Variants in ABHD2 observed in about 807,000 individuals in gnomAD.
ABHD2 encodes monoacylglycerol lipase ABHD2.
A neutral mutation model predicts 48.1 loss-of-function variants in ABHD2; 20 were observed. That is an observed-to-expected ratio of 0.42 (90% CI 0.29 to 0.60). The LOEUF (loss-of-function observed/expected upper bound fraction) is 0.60, where lower values mean the gene tolerates loss of function less well. Among genes scored for constraint, ABHD2 ranks in the 20% least tolerant of loss-of-function variants. The pLI is 0.24. For missense variants in ABHD2, 405 were observed against 550.9 expected (o/e 0.74, Z 2.65); for synonymous variants, 209 against 214.2 (o/e 0.98, Z 0.21).
At chr15:89,089,116 T>G (rs1468153916) in intron 1 of ABHD2, among the ~76,000 whole-genome samples, 6 of 152,234 alleles carry the variant, frequency 3.9e-5, no homozygotes, top group Non-Finnish European at 7.3e-5. Flanking sequence ...AGGCCCTTCG[T>G]GAGCTTTTCC....
Position 89,151,794 on chromosome 15 carries a change from T to C in ABHD2, c.312T>C (p.Ser104=). The part of the protein sequence containing the change: ...PYGHRKFITM[S]DGATSTFDLF... ...GGCACCGGAAGTTCATCACTATGTC[T>C]GATGGAGCCACTTCTACATTCGACC... The change falls in exon 4 of 11, where the codon TCT becomes TCC. Residue 104 remains serine, a synonymous_variant. Coordinates refer to ENST00000352732, the MANE Select transcript of ABHD2 (RefSeq NM_152924.5). The surrounding 1 kb of genome is among the most constrained non-coding windows in gnomAD (Gnocchi z 4.7). 1 of 1,614,240 alleles carries C rather than the reference T, an allele frequency of 6.2e-7. No individual in the cohort carries two copies. The highest frequency in any genetic ancestry group is 8.5e-7 in the Non-Finnish European group (1 of 1,180,046).
At position 89,201,317 on chromosome 15, in the gene ABHD2, T is replaced by A; in HGVS notation, c.*5894T>A. On this transcript the variant is annotated 3_prime_UTR_variant, in exon 11 of 11. Coordinates refer to ENST00000352732, the MANE Select transcript of ABHD2 (RefSeq NM_152924.5). ...TGTTAGTTTCCTTGTTTCAGTATCA[T>A]GAAGTGAAGCACTGTGTGGTTGTGG... is the stretch of plus-strand genomic sequence containing the variant. 1 of 1,075,210 alleles carries A rather than the reference T, an allele frequency of 9.3e-7. No homozygotes were observed. Among genetic ancestry groups the A allele is most frequent in the Non-Finnish European group, 1.4e-6 (1 of 705,696 alleles). 66.6% of individuals were successfully genotyped at this position (1,075,210 alleles called of 1,614,324 possible).
intron 3 of ABHD2, among the ~76,000 whole-genome samples, chr15:89,138,858 T>C (rs2050357417): frequency 7.7e-6 from 1 of 130,358 alleles, no homozygotes; most frequent in South Asian, 2.7e-4. Flanking sequence ...TCCTAGCTTT[T>C]TTTTTTTCTT....
chr15:89,056,655 TA>T, the ABHD2 span, among the ~76,000 whole-genome samples: 3 of 151,508 alleles, frequency 2.0e-5, no homozygotes, highest in Admixed American at 6.6e-5. Context: ...AAAAATAAAA[TA>T]AAAAAATAAA....
At chr15:89,159,972 C>T (rs1394037758) in intron 5 of ABHD2, among the ~76,000 whole-genome samples, 2 of 152,082 alleles carry the variant, frequency 1.3e-5, no homozygotes, top group African/African-American at 4.8e-5. Flanking sequence ...GGAGGATAAG[C>T]TCAAACAAAT....
At chr15:89,081,454 G>A in the ABHD2 span, among the ~76,000 whole-genome samples, 1 of 151,956 alleles carries the variant, frequency 6.6e-6, no homozygotes, top group East Asian at 1.9e-4. Context: ...ATGAACCCTG[G>A]CATACAAATC....
rs2051197670 is a variant in ABHD2 at position 89,185,788 on chromosome 15, G to A, written c.815+272G>A. On this transcript the variant is annotated intron_variant, in intron 7 of 10. Coordinates refer to ENST00000352732, the MANE Select transcript of ABHD2 (RefSeq NM_152924.5). The surrounding 1 kb of genome is among the most constrained non-coding windows in gnomAD (Gnocchi z 5.9). ...ATTTGAGACCAGCCTGGCCAACATGGCGAAACCCCATCTCTACCAAAAATA... is the reference window on the plus strand; with the variant it reads ...ATTTGAGACCAGCCTGGCCAACATGACGAAACCCCATCTCTACCAAAAATA... Among the ~76,000 whole-genome samples, 1 of 152,126 alleles carries A rather than the reference G, an allele frequency of 6.6e-6. No homozygotes were observed. The highest frequency in any genetic ancestry group is 2.4e-5 in the African/African-American group (1 of 41,414).
At chr15:89,055,953 T>C in the ABHD2 span, among the ~76,000 whole-genome samples, 3 of 152,180 alleles carry the variant, frequency 2.0e-5, no homozygotes, top group Admixed American at 2.0e-4. Context: ...AGTCTTGACC[T>C]CCCGGGCTCA....
In ABHD2 at chr15:89,189,471, C is replaced by G. The variant is rs766578685; in HGVS notation, c.926+1168C>G. 2.2e-4 allele frequency among the ~76,000 whole-genome samples: 33 copies of G among 152,216 alleles called. No homozygotes were observed. The highest frequency in any genetic ancestry group is 2.6e-4 in the Admixed American group (4 of 15,282). ...TCCCAACACTGCACTGGAGCCCAGC[C>G]TGGGCAACAGAGCAAGGCCCTGTCC... On this transcript the variant is annotated intron_variant, in intron 8 of 10. Coordinates refer to ENST00000352732, the MANE Select transcript of ABHD2 (RefSeq NM_152924.5). This position sits in a 1 kb window ranked among gnomAD's most constrained non-coding sequence, Gnocchi z 4.9.
At chr15:89,069,256 C>T in the ABHD2 span, among the ~76,000 whole-genome samples, 1 of 151,494 alleles carries the variant, frequency 6.6e-6, no homozygotes, top group Non-Finnish European at 1.5e-5. Flanking sequence ...GTCTCTAGAG[C>T]AACTGGAACT....
intron 3 of ABHD2, among the ~76,000 whole-genome samples, chr15:89,135,137 C>CTTTTTCTTTTCTTTTTTTTTTTTTT (rs2050282901): frequency 5.2e-5 from 1 of 19,112 alleles, no homozygotes; most frequent in African/African-American, 1.9e-4. Context: ...ATGGCTACAA[C>CTTTTTCTTTTCTTTTTTTTTTTTTT]TTTTTCTTTT....
intron 3 of ABHD2, among the ~76,000 whole-genome samples, chr15:89,143,801 A>G (rs1228595291): frequency 6.6e-6 from 1 of 152,190 alleles, no homozygotes; most frequent in Non-Finnish European, 1.5e-5. Context: ...CATAAAGGAA[A>G]TGCACATCAA....
the ABHD2 span, among the ~76,000 whole-genome samples, chr15:89,054,755 A>C: frequency 6.6e-6 from 1 of 152,156 alleles, no homozygotes; most frequent in East Asian, 1.9e-4. Context: ...TTCAGTGTTT[A>C]TTCTTTCTCA....
intron 3 of ABHD2, among the ~76,000 whole-genome samples, chr15:89,127,152 A>G (rs1007893155): frequency 6.6e-6 from 1 of 152,158 alleles, no homozygotes; most frequent in African/African-American, 2.4e-5. Context: ...AGCTGCCTGC[A>G]GTGTAGTATC....
the ABHD2 span, among the ~76,000 whole-genome samples, chr15:89,078,725 C>CT: frequency 0.65 from 93,556 of 143,584 alleles, 30,409 homozygotes; most frequent in Non-Finnish European, 0.68. Flanking sequence ...ACAATGTAGG[C>CT]TTTTTTTTTT....
intron 1 of ABHD2, among the ~76,000 whole-genome samples, chr15:89,108,451 T>G (rs1463258155): frequency 6.6e-6 from 1 of 152,190 alleles, no homozygotes; most frequent in Non-Finnish European, 1.5e-5. Flanking sequence ...CTCCAACGAG[T>G]ACGACCCCAT....
intron 4 of ABHD2, among the ~76,000 whole-genome samples, chr15:89,154,611 TC>T (rs780529965): frequency 6.6e-6 from 1 of 152,200 alleles, no homozygotes; most frequent in Non-Finnish European, 1.5e-5. Flanking sequence ...ATCTTTTTTT[TC>T]TCCACACAAA....
chr15:89,068,752 C>CAGTTTTTTTTTTTTTT, the ABHD2 span, among the ~76,000 whole-genome samples: 1 of 85,182 alleles, frequency 1.2e-5, no homozygotes, highest in African/African-American at 4.8e-5. Context: ...GGCAAGCTTC[C>CAGTTTTTTTTTTTTTT]TCTTTTTTTT....
At chr15:89,078,582 G>T in the ABHD2 span, among the ~76,000 whole-genome samples, 1 of 152,166 alleles carries the variant, frequency 6.6e-6, no homozygotes, top group South Asian at 2.1e-4. Flanking sequence ...GATAACGGAA[G>T]GCCATCTATC....
Sources: allele counts gnomAD v4.1 joint callset (sites outside exome capture counted in the v4.1 genomes callset), GRCh38; gene constraint gnomAD v4.1.1; non-coding constraint Gnocchi (gnomAD v3.1); transcripts MANE v1.5; gene names NCBI Gene and HGNC (gene_info 2026-07-23, HGNC 2026-07-21).